NT5C3A: variants seen among roughly 807,000 people sequenced by gnomAD.
NT5C3A encodes 5'-nucleotidase, cytosolic IIIA, also known as cytosolic 5'-nucleotidase 3A.
Under a neutral mutation model 40.0 loss-of-function variants are expected in NT5C3A, and 23 were observed. That is an observed-to-expected ratio of 0.58 (90% CI 0.41 to 0.81). The LOEUF (loss-of-function observed/expected upper bound fraction) is 0.81, where lower values mean the gene tolerates loss of function less well. Among genes scored for constraint, NT5C3A ranks in the 40% least tolerant of loss-of-function variants. NT5C3A has a pLI of 0.00. For synonymous variants in NT5C3A, 130 were observed against 141.4 expected (o/e 0.92, Z 0.57); for missense variants, 328 against 403.0 (o/e 0.81, Z 1.59).
intron 1 of NT5C3A, among the ~76,000 whole-genome samples, chr7:33,059,528 A>G (rs78834986): frequency 0.036 from 5,472 of 152,304 alleles, 273 homozygotes; most frequent in East Asian, 0.14. Flanking sequence ...TAATCCCTTT[A>G]TCTAATGATC....
intron 1 of NT5C3A, among the ~76,000 whole-genome samples, chr7:33,039,283 A>G (rs536718301): frequency 2.0e-5 from 3 of 152,164 alleles, no homozygotes; most frequent in Admixed American, 6.5e-5. Flanking sequence ...TTACTTTTAA[A>G]GGTCTACTTG....
At chr7:33,023,793 C>A (rs955103402) in intron 3 of NT5C3A, 5 of 494,752 alleles carry the variant, frequency 1.0e-5, no homozygotes, top group African/African-American at 9.7e-5. Context: ...AATGAATAGA[C>A]CATATTTGGC....
intron 1 of NT5C3A, among the ~76,000 whole-genome samples, chr7:33,040,583 A>G (rs1786864845): frequency 6.6e-6 from 1 of 152,218 alleles, no homozygotes; most frequent in Admixed American, 6.5e-5. Flanking sequence ...CTCAACCTGG[A>G]AAGAGACTTC....
chr7:33,033,457 T>C (rs1407516174), intron 1 of NT5C3A, among the ~76,000 whole-genome samples: 3 of 152,188 alleles, frequency 2.0e-5, no homozygotes, highest in African/African-American at 7.2e-5. Flanking sequence ...TCACCACATA[T>C]TAAGTATAAG....
intron 1 of NT5C3A, chr7:33,041,207 C>CTGGTTTGTCAG (rs550966450): frequency 5.3e-5 from 48 of 903,736 alleles, no homozygotes; most frequent in Admixed American, 4.3e-4. Flanking sequence ...TCCTTTCCAC[C>CTGGTTTGTCAG]TGGTTTGTCA....
intron 5 of NT5C3A, 118 bp downstream of exon 5, chr7:33,021,154 T>A (rs779876537): frequency 1.5e-6 from 2 of 1,356,322 alleles, no homozygotes; most frequent in Admixed American, 4.5e-5. Context: ...ATGCTCTAAC[T>A]TGCATAATTT....
intron 1 of NT5C3A, among the ~76,000 whole-genome samples, chr7:33,056,162 AAAT>A (rs1490852161): frequency 6.6e-6 from 1 of 152,116 alleles, no homozygotes. Flanking sequence ...CAAGGAACAT[AAAT>A]AATAATAAAC....
intron 1 of NT5C3A, among the ~76,000 whole-genome samples, chr7:33,035,060 C>T (rs771172002): frequency 2.6e-5 from 4 of 152,006 alleles, no homozygotes; most frequent in Non-Finnish European, 4.4e-5. Flanking sequence ...AATGCTTAAT[C>T]TGGGGTTACT....
At chr7:33,036,804 T>C (rs1348840792) in intron 1 of NT5C3A, among the ~76,000 whole-genome samples, 1 of 151,954 alleles carries the variant, frequency 6.6e-6, no homozygotes, top group Non-Finnish European at 1.5e-5. Flanking sequence ...TATTTTTATT[T>C]TTTTATTTTT....
chr7:33,040,590 C>A (rs893031963), intron 1 of NT5C3A, among the ~76,000 whole-genome samples: 5 of 152,172 alleles, frequency 3.3e-5, no homozygotes, highest in Non-Finnish European at 7.3e-5. Context: ...TGGAAAGAGA[C>A]TTCTGAAGGT....
At chr7:33,050,019 C>T (rs1397676184) in intron 1 of NT5C3A, among the ~76,000 whole-genome samples, 1 of 145,406 alleles carries the variant, frequency 6.9e-6, no homozygotes, top group Non-Finnish European at 1.5e-5. Flanking sequence ...AACAAATGTA[C>T]ACCTGCTTAA....
rs6462452 is a variant in NT5C3A at position 33,038,004 on chromosome 7, T to C, written c.139-11089A>G. On this transcript the variant is annotated intron_variant, in intron 1 of 8. Transcript: ENST00000610140. ...ATCCAGATTTTTAACAAACAAGATA[T>C]TATAGAAGCTGCATGCAAGTCTATT... is the stretch of plus-strand genomic sequence containing the variant. 5.9e-3 allele frequency among the ~76,000 whole-genome samples: 900 copies of C among 152,272 alleles called. 9 individuals are homozygous for C. Among genetic ancestry groups the C allele is most frequent in the African/African-American group, 0.021 (857 of 41,580 alleles).
intron 7 of NT5C3A, 141 bp from the exon 8 acceptor site, chr7:33,016,011 T>G (rs1785303855): frequency 3.0e-6 from 2 of 667,712 alleles, no homozygotes; most frequent in African/African-American, 1.8e-5. Context: ...TCAAAGCACT[T>G]AAGTCCATCA....
chr7:33,029,743 T>A (rs1228250148), intron 1 of NT5C3A: 1 of 1,242,240 alleles, frequency 8.0e-7, no homozygotes, highest in Non-Finnish European at 1.1e-6. Flanking sequence ...GTTTATTTTA[T>A]TTTTATAGAG....
chr7:33,061,094 G>A (rs1787756014), intron 1 of NT5C3A, among the ~76,000 whole-genome samples: 1 of 152,092 alleles, frequency 6.6e-6, no homozygotes, highest in Non-Finnish European at 1.5e-5. Flanking sequence ...ACCTTACTTG[G>A]CTTAGATAAG....
intron 7 of NT5C3A, 92 bp downstream of exon 7, chr7:33,017,347 T>C: frequency 9.8e-7 from 1 of 1,016,134 alleles, no homozygotes; most frequent in South Asian, 1.5e-5. Flanking sequence ...AATTTCTGGA[T>C]ATAGGATATA....
At chr7:33,023,346 C>T (rs531571582) in intron 3 of NT5C3A, among the ~76,000 whole-genome samples, 4 of 152,168 alleles carry the variant, frequency 2.6e-5, no homozygotes, top group East Asian at 1.9e-4. Flanking sequence ...GCAAACTCCA[C>T]GTCCCGGGTT....
At chr7:33,052,278 G>A (rs1787398150) in intron 1 of NT5C3A, among the ~76,000 whole-genome samples, 1 of 152,044 alleles carries the variant, frequency 6.6e-6, no homozygotes. Flanking sequence ...GAGGTCAGGA[G>A]TTCGAGACCA....
At chr7:33,044,318 G>C (rs1439444547) in intron 1 of NT5C3A, among the ~76,000 whole-genome samples, 2 of 152,118 alleles carry the variant, frequency 1.3e-5, no homozygotes, top group Admixed American at 1.3e-4. Context: ...CACAAGAAAG[G>C]AATAAGGACA....
Sources: allele counts gnomAD v4.1 joint callset (sites outside exome capture counted in the v4.1 genomes callset), GRCh38; gene constraint gnomAD v4.1.1; transcripts MANE v1.5; gene names NCBI Gene and HGNC (gene_info 2026-07-23, HGNC 2026-07-21).